Variants in EVC observed in about 807,000 individuals in gnomAD.
EVC encodes evC complex member EVC.
Under a neutral mutation model 118.9 loss-of-function variants are expected in EVC, and 116 were observed. That is an observed-to-expected ratio of 0.98 (90% CI 0.84 to 1.14). EVC has a LOEUF of 1.14. Ranked by LOEUF, EVC falls within the 50% of genes most tolerant of loss-of-function variation. EVC has a pLI of 0.00. For missense variants in EVC, 1,401 were observed against 1,246.4 expected, an observed-to-expected ratio of 1.12 and a Z score of -1.87; for synonymous variants, 619 against 534.7, an observed-to-expected ratio of 1.16 and a Z score of -2.18.
At chr4:5,807,617 G>A (rs768733782) in intron 17 of EVC, among the ~76,000 whole-genome samples, 21 of 152,114 alleles carry the variant, frequency 1.4e-4, no homozygotes, top group Non-Finnish European at 2.8e-4. Flanking sequence ...TCAGGTACCC[G>A]GCCTCTGCTC....
rs765210926 is a variant in EVC, at chr4:5,798,101, G to A, written c.2098-485G>A. Among the ~76,000 whole-genome samples, 1 of 152,152 alleles carries A rather than the reference G, an allele frequency of 6.6e-6. No individual in the cohort carries two copies. The highest frequency in any genetic ancestry group is 1.5e-5 in the Non-Finnish European group (1 of 68,020). ...GGCAGGACTCACGGACCTCGCTACA[G>A]CCCCGCTCACTTCTTTCTCTCTTAT... On this transcript the variant is annotated intron_variant, in intron 14 of 20. Coordinates refer to ENST00000264956, the MANE Select transcript of EVC (RefSeq NM_153717.3). This position sits in a 1 kb window ranked among gnomAD's most constrained non-coding sequence, Gnocchi z 4.1.
Position 5,809,541 on chromosome 4 carries a change from C to T in EVC, c.2712C>T (p.Ser904=), listed in dbSNP as rs146829332. Residue 904 remains serine, a synonymous_variant, in exon 19 of 21, where the codon TCC becomes TCT. Transcript: ENST00000264956. ...QLQEAEQNFI[S]ELAALARVPL... The stretch of plus-strand genomic sequence containing the variant: ...AGGAAGCTGAACAGAACTTCATCTC[C>T]GAGCTGGCAGCCTTGGCCCGAGTGC... The T allele has an allele frequency of 1.0e-4, 169 of 1,614,060 alleles. 1 individual carries two copies. The Admixed American group carries it at 1.2e-3, about 11-fold the overall frequency.
At chr4:5,828,807 CTG>C in the EVC span, 4 of 1,062,170 alleles carry the variant, frequency 3.8e-6, no homozygotes, top group African/African-American at 3.3e-5. Context: ...CTTTTATTGA[CTG>C]TAATATTCCA....
chr4:5,764,826 A>T (rs1475063089), intron 11 of EVC, among the ~76,000 whole-genome samples: 4 of 145,634 alleles, frequency 2.7e-5, no homozygotes, highest in South Asian at 2.3e-4. Context: ...GCAGTCTATC[A>T]ATTTTGTTGA....
Position 5,752,629 on chromosome 4 carries a change from A to T in EVC, c.1099-207A>T. The stretch of plus-strand genomic sequence containing the variant: ...TGCTAAGCTGCGTCAGCCTCCCCGC[A>T]CCCTAGGAGAGACACTTAATCCCCA... On this transcript the variant is annotated intron_variant, in intron 8 of 20. Coordinates refer to ENST00000264956, the MANE Select transcript of EVC (RefSeq NM_153717.3). 8 of 642,334 alleles carry T rather than the reference A, an allele frequency of 1.2e-5. No individual in the cohort carries two copies. The South Asian group carries it at 1.5e-4, about 12-fold the overall frequency. 39.8% of individuals were successfully genotyped at this position (642,334 alleles called of 1,614,324 possible). A position where few individuals can be genotyped will look rare whatever the true frequency, so the allele number is the denominator to read the frequency against.
chr4:5,748,810 A>G (rs1157332435), intron 8 of EVC, among the ~76,000 whole-genome samples: 2 of 150,642 alleles, frequency 1.3e-5, no homozygotes, highest in Admixed American at 6.6e-5. Context: ...CCATCCGTCT[A>G]TCCAATGAGT....
chr4:5,815,411 T>C (rs1717515980), downstream of EVC, among the ~76,000 whole-genome samples: 1 of 152,174 alleles, frequency 6.6e-6, no homozygotes, highest in African/African-American at 2.4e-5. Flanking sequence ...AGGAGAGTGA[T>C]GACCCCACAA....
chr4:5,732,935 G>A (rs548351306), intron 4 of EVC, among the ~76,000 whole-genome samples: 5 of 152,198 alleles, frequency 3.3e-5, no homozygotes, highest in Admixed American at 6.5e-5. Context: ...GCTTGAGCCC[G>A]GGAGGTGGAG....
At chr4:5,771,386 C>G (rs1733930329) in intron 11 of EVC, among the ~76,000 whole-genome samples, 1 of 152,148 alleles carries the variant, frequency 6.6e-6, no homozygotes, top group African/African-American at 2.4e-5. Context: ...CCTCCTGCCT[C>G]CCTCATTCAC....
At chr4:5,774,768 C>G (rs752173170) in intron 11 of EVC, among the ~76,000 whole-genome samples, 9 of 152,116 alleles carry the variant, frequency 5.9e-5, no homozygotes, top group Non-Finnish European at 8.8e-5. Flanking sequence ...GCTTCTATTC[C>G]CCACCAGAGT....
chr4:5,762,255 T>G (rs1156774143), intron 11 of EVC, among the ~76,000 whole-genome samples: 1 of 129,910 alleles, frequency 7.7e-6, no homozygotes, highest in African/African-American at 2.8e-5. Flanking sequence ...GACTGCATAG[T>G]ATTCCATGGT....
At chr4:5,799,619 G>A (rs940408874) in intron 15 of EVC, among the ~76,000 whole-genome samples, 2 of 152,180 alleles carry the variant, frequency 1.3e-5, no homozygotes, top group Admixed American at 6.5e-5. Flanking sequence ...GGCCACTGTA[G>A]GCAGGATGTC....
chr4:5,730,065 T>C (rs1350949651), intron 3 of EVC, among the ~76,000 whole-genome samples: 1 of 152,204 alleles, frequency 6.6e-6, no homozygotes, highest in Non-Finnish European at 1.5e-5. Flanking sequence ...TGACGAGCTC[T>C]GGAGTCACAG....
intron 1 of EVC, 86 bp downstream of exon 1, chr4:5,711,640 C>T (rs561664042): frequency 9.8e-7 from 1 of 1,023,842 alleles, no homozygotes; most frequent in Non-Finnish European, 1.2e-6. Context: ...CCCGGCTCTG[C>T]GACTCCTTGA....
At position 5,731,366 on chromosome 4, in the gene EVC, A is replaced by G. The variant is rs1726782453; in HGVS notation, c.385-59A>G. 7.5e-7 allele frequency: 1 copy of G among 1,337,102 alleles called. No homozygotes were observed. The highest frequency in any genetic ancestry group is 1.1e-6 in the Non-Finnish European group (1 of 928,126). The allele number at this position is 1,337,102 out of a possible 1,614,324, so 82.8% of individuals were successfully genotyped here. Reference sequence around the variant, plus strand: ...GTGAATCACTGGTAGAATTATGAATACTAGATCAAATCCCAGAGGCATCAC... The same window carrying G: ...GTGAATCACTGGTAGAATTATGAATGCTAGATCAAATCCCAGAGGCATCAC... On this transcript the variant is annotated intron_variant, in intron 3 of 20. Coordinates refer to ENST00000264956, the MANE Select transcript of EVC (RefSeq NM_153717.3). The surrounding 1 kb of genome is among the most constrained non-coding windows in gnomAD (Gnocchi z 5.6).
intron 11 of EVC, among the ~76,000 whole-genome samples, chr4:5,760,401 A>G (rs1731825458): frequency 6.6e-6 from 1 of 152,066 alleles, no homozygotes; most frequent in Admixed American, 6.5e-5. Flanking sequence ...TTAACGTAAC[A>G]TCAGGAGAGG....
chr4:5,743,817 T>C lies in EVC; in HGVS notation c.802-1387T>C, dbSNP rs908002516. Among the ~76,000 whole-genome samples the C allele has an allele frequency of 3.3e-5, 5 of 152,186 alleles. No individual in the cohort carries two copies. Among genetic ancestry groups the C allele is most frequent in the South Asian group, 2.1e-4 (1 of 4,822 alleles). On this transcript the variant is annotated intron_variant, in intron 6 of 20. Transcript: ENST00000264956. The surrounding 1 kb of genome is among the most constrained non-coding windows in gnomAD (Gnocchi z 4.7). The stretch of plus-strand genomic sequence containing the variant: ...GTTATGACAGCCCTGTGAGTGGCCA[T>C]TGTTATTTTTGTTTTACAGCTGAAG...
intron 11 of EVC, among the ~76,000 whole-genome samples, chr4:5,757,502 G>T (rs1731350421): frequency 6.6e-6 from 1 of 152,258 alleles, no homozygotes; most frequent in East Asian, 1.9e-4. Flanking sequence ...CAACAGAAAA[G>T]CGTTCTCTCA....
rs765248751 is a variant in EVC at position 5,798,602 on chromosome 4, A to G, written c.2114A>G (p.Glu705Gly). Residue 705 changes from glutamate (E) to glycine (G), a missense_variant, in exon 15 of 21, where the codon GAG becomes GGG. Physicochemically the swap from Glu to Gly is moderately conservative, Grantham distance 98 (BLOSUM62 -2). Coordinates refer to ENST00000264956, the MANE Select transcript of EVC (RefSeq NM_153717.3). This position sits in a 1 kb window ranked among gnomAD's most constrained non-coding sequence, Gnocchi z 4.1. ...CCCTCCCAGGAGGCGCGTGTGCTGG[A>G]GGAGGCCAGCCGGCTAGAGGAGGAA... Reference protein sequence around the residue: ...LLRALEARVLEEASRLEEEAQ... With the variant: ...LLRALEARVLGEASRLEEEAQ... 1.8e-5 allele frequency: 28 copies of G among 1,571,854 alleles called. No individual in the cohort carries two copies. The highest frequency in any genetic ancestry group is 3.7e-5 in the Admixed American group (2 of 53,832).
Sources: allele counts gnomAD v4.1 joint callset (sites outside exome capture counted in the v4.1 genomes callset), GRCh38; gene constraint gnomAD v4.1.1; non-coding constraint Gnocchi (gnomAD v3.1); transcripts MANE v1.5; gene names NCBI Gene and HGNC (gene_info 2026-07-23, HGNC 2026-07-21).